Variants in NKAIN2 observed in about 807,000 individuals in gnomAD.
The protein encoded by NKAIN2 is sodium/potassium transporting ATPase interacting 2.
A neutral mutation model predicts 32.6 loss-of-function variants in NKAIN2; 14 were observed. That is an observed-to-expected ratio of 0.43 (90% CI 0.28 to 0.67). NKAIN2 has a LOEUF of 0.67. Among genes scored for constraint, NKAIN2 ranks in the 30% least tolerant of loss-of-function variants. The probability of loss-of-function intolerance (pLI) is 0.17; values close to 1 mark genes in which losing one functional copy is unlikely to be tolerated. For missense variants in NKAIN2, 198 were observed against 258.3 expected, an observed-to-expected ratio of 0.77 and a Z score of 1.60; for synonymous variants, 80 against 87.2, an observed-to-expected ratio of 0.92 and a Z score of 0.46.
At chr6:124,299,443 G>T (rs1455675030) in intron 2 of NKAIN2, among the ~76,000 whole-genome samples, 1 of 152,042 alleles carries the variant, frequency 6.6e-6, no homozygotes, top group Non-Finnish European at 1.5e-5. Flanking sequence ...CTCCAAATCG[G>T]ATCATTGCTC....
intron 1 of NKAIN2, among the ~76,000 whole-genome samples, chr6:123,927,402 CCTT>C (rs1318883898): frequency 5.3e-5 from 8 of 152,150 alleles, no homozygotes; most frequent in Non-Finnish European, 8.8e-5. Context: ...GTCAATGAAA[CCTT>C]CTCCAAGAAT....
chr6:124,502,216 T>C (rs1410445937), intron 3 of NKAIN2, among the ~76,000 whole-genome samples: 1 of 152,120 alleles, frequency 6.6e-6, no homozygotes, highest in Non-Finnish European at 1.5e-5. Context: ...TTGAAAGAGA[T>C]AGTAGCATGC....
At chr6:124,696,288 A>G (rs575652188) in intron 4 of NKAIN2, among the ~76,000 whole-genome samples, 71 of 152,224 alleles carry the variant, frequency 4.7e-4, no homozygotes, top group African/African-American at 1.7e-3. Flanking sequence ...GGAGGAAAGG[A>G]GAAGCTCAGA....
At chr6:123,817,754 C>G (rs780717648) in intron 1 of NKAIN2, among the ~76,000 whole-genome samples, 2 of 151,850 alleles carry the variant, frequency 1.3e-5, no homozygotes, top group Admixed American at 1.3e-4. Flanking sequence ...AGAGCAGGCA[C>G]ATGAATAGTG....
At chr6:124,680,945 T>TA (rs1311172286) in intron 4 of NKAIN2, among the ~76,000 whole-genome samples, 3 of 151,964 alleles carry the variant, frequency 2.0e-5, no homozygotes, top group Non-Finnish European at 4.4e-5. Context: ...AATATATAAA[T>TA]AAAAAATAAT....
intron 3 of NKAIN2, among the ~76,000 whole-genome samples, chr6:124,606,990 G>C (rs1782526758): frequency 6.6e-6 from 1 of 152,178 alleles, no homozygotes; most frequent in Non-Finnish European, 1.5e-5. Flanking sequence ...TGTGAGTAAA[G>C]ATGAACTGTC....
intron 3 of NKAIN2, among the ~76,000 whole-genome samples, chr6:124,412,888 C>T (rs1021559701): frequency 3.9e-5 from 6 of 152,168 alleles, no homozygotes; most frequent in Non-Finnish European, 7.3e-5. Flanking sequence ...CGCCCCTCCC[C>T]GAGCCTCCCT....
At chr6:124,635,236 G>A (rs546710479) in intron 3 of NKAIN2, among the ~76,000 whole-genome samples, 1 of 151,802 alleles carries the variant, frequency 6.6e-6, no homozygotes, top group African/African-American at 2.4e-5. Context: ...AATGCTTAAG[G>A]GAGTTCTTTA....
intron 1 of NKAIN2, among the ~76,000 whole-genome samples, chr6:124,103,339 A>G (rs1784976163): frequency 6.6e-6 from 1 of 152,192 alleles, no homozygotes; most frequent in Non-Finnish European, 1.5e-5. Context: ...ACTTGGAAGC[A>G]TTTCCCCATG....
At chr6:124,629,134 ATTCT>A (rs1347803988) in intron 3 of NKAIN2, among the ~76,000 whole-genome samples, 7 of 152,148 alleles carry the variant, frequency 4.6e-5, no homozygotes, top group African/African-American at 1.7e-4. Context: ...TGAAATGGAA[ATTCT>A]TTCTCATCTC....
chr6:124,249,154 C>A (rs1793565470), intron 1 of NKAIN2, among the ~76,000 whole-genome samples: 1 of 152,082 alleles, frequency 6.6e-6, no homozygotes, highest in Non-Finnish European at 1.5e-5. Flanking sequence ...AATTTGTGAG[C>A]AACTACTGTG....
At chr6:124,344,574 A>G in intron 2 of NKAIN2, among the ~76,000 whole-genome samples, 1 of 151,658 alleles carries the variant, frequency 6.6e-6, no homozygotes, top group Non-Finnish European at 1.5e-5. Context: ...ATTCCTAAGT[A>G]TTTTATTCTC....
chr6:124,579,610 A>G (rs1353084110), intron 3 of NKAIN2, among the ~76,000 whole-genome samples: 1 of 151,804 alleles, frequency 6.6e-6, no homozygotes, highest in Non-Finnish European at 1.5e-5. Context: ...GTGCAAATCT[A>G]AGAGTTATTG....
At chr6:123,948,973 G>A (rs1206772482) in intron 1 of NKAIN2, among the ~76,000 whole-genome samples, 3 of 151,834 alleles carry the variant, frequency 2.0e-5, no homozygotes, top group African/African-American at 7.2e-5. Flanking sequence ...TTGTTCTTCT[G>A]CATGTGGATA....
intron 1 of NKAIN2, among the ~76,000 whole-genome samples, chr6:123,866,163 G>A (rs1772499089): frequency 6.6e-6 from 1 of 152,026 alleles, no homozygotes; most frequent in Non-Finnish European, 1.5e-5. Context: ...CAGTGCCGTT[G>A]GTTATTTAGT....
chr6:124,533,921 A>G (rs620223), intron 3 of NKAIN2, among the ~76,000 whole-genome samples: 143,891 of 152,110 alleles, frequency 0.95, 68,562 homozygotes, highest in East Asian at 1. Flanking sequence ...GGCTCTCTGG[A>G]GTCTCCTTTA....
intron 1 of NKAIN2, among the ~76,000 whole-genome samples, chr6:123,812,908 T>C (rs1173363727): frequency 6.6e-6 from 1 of 152,242 alleles, no homozygotes; most frequent in Non-Finnish European, 1.5e-5. Context: ...CAGAAGTCTT[T>C]GTGTGCATCT....
At chr6:124,134,225 A>G (rs574362320) in intron 1 of NKAIN2, among the ~76,000 whole-genome samples, 2 of 152,304 alleles carry the variant, frequency 1.3e-5, no homozygotes, top group Admixed American at 1.3e-4. Flanking sequence ...GAAAGAAAAG[A>G]CACACTTAGG....
At chr6:124,152,385 A>T (rs557164527) in intron 1 of NKAIN2, among the ~76,000 whole-genome samples, 1 of 152,064 alleles carries the variant, frequency 6.6e-6, no homozygotes, top group Non-Finnish European at 1.5e-5. Context: ...CTGGTAGTGT[A>T]TGTCTTGCAG....
Sources: gnomAD v4.1 joint callset for allele counts (sites outside exome capture counted in the v4.1 genomes callset) on GRCh38, gnomAD v4.1.1 for gene constraint, MANE v1.5 for transcripts, NCBI Gene and HGNC (gene_info 2026-07-23, HGNC 2026-07-21) for gene names.